The following NAV3 variants were observed in gnomAD, a reference collection of about 807,000 sequenced individuals.
The protein encoded by NAV3 is neuron navigator 3.
In NAV3, 87 loss-of-function variants were observed where a neutral mutation model predicts 244.7. The observed-to-expected ratio is 0.36, with a 90% confidence interval of 0.30 to 0.42. The LOEUF (loss-of-function observed/expected upper bound fraction) is 0.42, where lower values mean the gene tolerates loss of function less well. NAV3 is among the 20% of genes least tolerant of loss of function. The probability of loss-of-function intolerance (pLI) is 1.00; values close to 1 mark genes in which losing one functional copy is unlikely to be tolerated. For synonymous variants in NAV3, 1,126 were observed against 1,042.2 expected, an observed-to-expected ratio of 1.08 and a Z score of -1.55; for missense variants, 2,663 against 2,893.3, an observed-to-expected ratio of 0.92 and a Z score of 1.83.
chr12:77,643,584 C>T (rs1376459476), intron 2 of NAV3, among the ~76,000 whole-genome samples: 1 of 151,476 alleles, frequency 6.6e-6, no homozygotes, highest in African/African-American at 2.4e-5. Context: ...TTTGGGAAAC[C>T]TTATTTGCCA....
intron 2 of NAV3, among the ~76,000 whole-genome samples, chr12:77,739,389 A>T (rs2137383821): frequency 2.0e-5 from 3 of 151,316 alleles, no homozygotes; most frequent in African/African-American, 7.4e-5. Context: ...TTTGCTGTGT[A>T]TAGCGCATAT....
chr12:78,082,694 C>A (rs1026762774), intron 12 of NAV3, among the ~76,000 whole-genome samples: 5 of 152,134 alleles, frequency 3.3e-5, no homozygotes, highest in African/African-American at 2.4e-5. Context: ...ACCCTACAAA[C>A]TTATAACCCT....
At chr12:78,175,770 A>G (rs1407672952) in intron 25 of NAV3, among the ~76,000 whole-genome samples, 3 of 139,266 alleles carry the variant, frequency 2.2e-5, no homozygotes, top group African/African-American at 8.0e-5. Context: ...TAACTATACA[A>G]ACTATGTAGT....
intron 2 of NAV3, among the ~76,000 whole-genome samples, chr12:77,639,060 A>C (rs1404922357): frequency 5.3e-5 from 8 of 152,210 alleles, no homozygotes; most frequent in Admixed American, 5.2e-4. Context: ...AGATGGGCAC[A>C]GAGCATACTC....
At chr12:78,045,176 A>T (rs1220020822) in intron 9 of NAV3, among the ~76,000 whole-genome samples, 1 of 152,172 alleles carries the variant, frequency 6.6e-6, no homozygotes, top group Non-Finnish European at 1.5e-5. Flanking sequence ...TTCTGCATCT[A>T]TTGAGATAAT....
intron 12 of NAV3, among the ~76,000 whole-genome samples, chr12:78,112,786 C>G (rs1003545724): frequency 1.3e-5 from 2 of 152,132 alleles, no homozygotes; most frequent in Non-Finnish European, 2.9e-5. Flanking sequence ...TACAATCATG[C>G]CCTTCCAACA....
intron 5 of NAV3, among the ~76,000 whole-genome samples, chr12:77,983,165 G>T (rs894730367): frequency 4.6e-5 from 7 of 152,172 alleles, no homozygotes. Context: ...ATTGCTTTGA[G>T]AAATTTTTAC....
intron 2 of NAV3, among the ~76,000 whole-genome samples, chr12:77,801,139 A>T (rs973157194): frequency 2.6e-5 from 4 of 152,138 alleles, no homozygotes; most frequent in African/African-American, 9.7e-5. Flanking sequence ...TTATATGATA[A>T]TGATAAGCTG....
intron 1 of NAV3, among the ~76,000 whole-genome samples, chr12:77,914,581 A>T (rs941590455): frequency 6.6e-5 from 10 of 152,208 alleles, no homozygotes; most frequent in African/African-American, 2.4e-4. Flanking sequence ...AATTCCCTCA[A>T]AGGGTTTGCT....
chr12:77,797,524 GTTTTTTTTTTT>G (rs33912743), intron 2 of NAV3, among the ~76,000 whole-genome samples: 19 of 100,546 alleles, frequency 1.9e-4, no homozygotes, highest in African/African-American at 7.5e-4. Flanking sequence ...TCTTTAAAAA[GTTTTTTTTTTT>G]TTTTTTTTTT....
intron 2 of NAV3, among the ~76,000 whole-genome samples, chr12:77,576,819 T>C (rs145937940): frequency 0.01 from 1,533 of 152,174 alleles, 22 homozygotes; most frequent in African/African-American, 0.034. Flanking sequence ...TCTTAAAGAA[T>C]GGCCTCATTA....
intron 1 of NAV3, among the ~76,000 whole-genome samples, chr12:77,865,358 T>C (rs774579947): frequency 7.4e-5 from 9 of 121,432 alleles, no homozygotes; most frequent in Non-Finnish European, 1.5e-4. Flanking sequence ...GTCTATAAGG[T>C]ACCACATATT....
At chr12:78,113,945 C>T (rs1438437003) in intron 12 of NAV3, among the ~76,000 whole-genome samples, 1 of 152,150 alleles carries the variant, frequency 6.6e-6, no homozygotes, top group Non-Finnish European at 1.5e-5. Context: ...CTTATAACAG[C>T]ACCCAAATCA....
At chr12:77,846,672 A>G (rs1876691137) in intron 1 of NAV3, among the ~76,000 whole-genome samples, 1 of 152,186 alleles carries the variant, frequency 6.6e-6, no homozygotes, top group South Asian at 2.1e-4. Flanking sequence ...TAAATATATT[A>G]TTGCCTTGTT....
chr12:77,872,840 T>C (rs1015163084), intron 1 of NAV3, among the ~76,000 whole-genome samples: 4 of 152,246 alleles, frequency 2.6e-5, no homozygotes, highest in African/African-American at 9.6e-5. Flanking sequence ...ATGCAATGTA[T>C]GCTCTTTAGA....
chr12:78,019,929 G>A (rs968384518), intron 8 of NAV3, among the ~76,000 whole-genome samples: 1 of 152,140 alleles, frequency 6.6e-6, no homozygotes, highest in African/African-American at 2.4e-5. Context: ...AAGAAGAAAT[G>A]TCAATTAGAC....
intron 3 of NAV3, among the ~76,000 whole-genome samples, chr12:77,946,316 A>C (rs1890350115): frequency 6.6e-6 from 1 of 151,530 alleles, no homozygotes; most frequent in Non-Finnish European, 1.5e-5. Context: ...ATGTGTGTGG[A>C]TATATATAAT....
chr12:77,627,574 A>T (rs1871692766), intron 2 of NAV3, among the ~76,000 whole-genome samples: 2 of 152,158 alleles, frequency 1.3e-5, no homozygotes. Context: ...AGAAAAACTA[A>T]ACAGACCAAT....
At chr12:77,796,643 G>C (rs1386247607) in intron 2 of NAV3, among the ~76,000 whole-genome samples, 2 of 152,154 alleles carry the variant, frequency 1.3e-5, no homozygotes, top group Non-Finnish European at 2.9e-5. Context: ...GAAAGGAAGA[G>C]TTAATCAATG....
Sources: allele counts gnomAD v4.1 joint callset (sites outside exome capture counted in the v4.1 genomes callset), GRCh38; gene constraint gnomAD v4.1.1; transcripts MANE v1.5; gene names NCBI Gene and HGNC (gene_info 2026-07-23, HGNC 2026-07-21).